INPP5A: variants seen among roughly 807,000 people sequenced by gnomAD.
INPP5A encodes the protein 43 kDa inositol polyphosphate 5-phophatase.
In INPP5A, 14 loss-of-function variants were observed where a neutral mutation model predicts 65.2. That is an observed-to-expected ratio of 0.21 (90% confidence interval 0.14 to 0.34). The LOEUF (loss-of-function observed/expected upper bound fraction) is 0.34. Among genes scored for constraint, INPP5A ranks in the 10% least tolerant of loss-of-function variants. INPP5A has a pLI of 1.00. For missense variants in INPP5A, 431 were observed against 545.6 expected (o/e 0.79, Z 2.09); for synonymous variants, 207 against 208.3 (o/e 0.99, Z 0.05).
rs1846526184 is a variant in INPP5A at position 132,753,086 on chromosome 10, A to G, written c.903+3241A>G. Among the ~76,000 whole-genome samples, 1 of 152,092 alleles carries G rather than the reference A, an allele frequency of 6.6e-6. No homozygotes were observed. The highest frequency in any genetic ancestry group is 2.4e-5 in the African/African-American group (1 of 41,406). On this transcript the variant is annotated intron_variant, in intron 11 of 15. Coordinates refer to ENST00000368594, the MANE Select transcript of INPP5A (RefSeq NM_005539.5). The surrounding 1 kb of genome is among the most constrained non-coding windows in gnomAD (Gnocchi z 5.3). ...GATGCCTCGGCGTTCCTGTCCTGCT[A>G]CTCAGATCCTCTCTGTTTGGGGCCT...
At chr10:132,774,880 G>C (rs1186732502) in intron 12 of INPP5A, among the ~76,000 whole-genome samples, 1 of 45,244 alleles carries the variant, frequency 2.2e-5, no homozygotes, top group East Asian at 5.4e-4. Context: ...GCAGGGAGGA[G>C]AGGCAGGGAG....
At chr10:132,731,366 A>T (rs1846082125) in intron 9 of INPP5A, among the ~76,000 whole-genome samples, 1 of 151,954 alleles carries the variant, frequency 6.6e-6, no homozygotes, top group South Asian at 2.1e-4. Context: ...CCTGGGAGTC[A>T]CTGCGTCCCT....
At chr10:132,561,481 A>ATCCTTGTT (rs1192185101) in intron 1 of INPP5A, among the ~76,000 whole-genome samples, 1 of 151,896 alleles carries the variant, frequency 6.6e-6, no homozygotes, top group Non-Finnish European at 1.5e-5. Context: ...TTGTCTTGGC[A>ATCCTTGTT]TCCTTGTTGG....
intron 9 of INPP5A, among the ~76,000 whole-genome samples, chr10:132,744,701 G>A (rs189293868): frequency 1.3e-3 from 197 of 152,240 alleles, no homozygotes; most frequent in African/African-American, 4.5e-3. Context: ...AACTGTGAAC[G>A]CCCTTTTACT....
intron 12 of INPP5A, among the ~76,000 whole-genome samples, chr10:132,770,536 C>G (rs1018657933): frequency 1.3e-5 from 2 of 152,190 alleles, no homozygotes; most frequent in Non-Finnish European, 2.9e-5. Context: ...AAGAAAGCCA[C>G]ATGCCACCAT....
chr10:132,648,656 G>C (rs1262268852), intron 3 of INPP5A, among the ~76,000 whole-genome samples: 5 of 152,314 alleles, frequency 3.3e-5, no homozygotes, highest in African/African-American at 9.6e-5. Context: ...TAGAATTCTA[G>C]CTTGTCAATT....
intron 8 of INPP5A, among the ~76,000 whole-genome samples, chr10:132,723,866 C>G (rs560512972): frequency 5.2e-4 from 77 of 149,172 alleles, no homozygotes; most frequent in Non-Finnish European, 9.4e-4. Context: ...CATGCACCCT[C>G]CGAGCTTTCT....
At chr10:132,683,385 G>A (rs971871652) in intron 4 of INPP5A, among the ~76,000 whole-genome samples, 6 of 152,058 alleles carry the variant, frequency 3.9e-5, no homozygotes, top group South Asian at 2.1e-4. Flanking sequence ...TTTAATCTGC[G>A]TGTACACATG....
chr10:132,558,023 A>G (rs967749429), intron 1 of INPP5A, among the ~76,000 whole-genome samples: 1 of 152,222 alleles, frequency 6.6e-6, no homozygotes, highest in African/African-American at 2.4e-5. Context: ...GTTGAAAGTG[A>G]GAAGATTCTC....
intron 3 of INPP5A, among the ~76,000 whole-genome samples, chr10:132,648,227 C>T (rs1389113667): frequency 2.6e-5 from 4 of 152,270 alleles, no homozygotes; most frequent in Admixed American, 2.0e-4. Context: ...AGGACGCCGC[C>T]CTCACAGCAG....
chr10:132,759,396 G>A (rs1565004586), intron 11 of INPP5A, among the ~76,000 whole-genome samples: 2 of 152,226 alleles, frequency 1.3e-5, no homozygotes, highest in African/African-American at 2.4e-5. Flanking sequence ...GCCACACTCC[G>A]TGGCTTCTGC....
Position 132,675,527 on chromosome 10 carries a change from C to T in INPP5A, c.307-14865C>T, listed in dbSNP as rs2072951634. On this transcript the variant is annotated intron_variant, in intron 4 of 15. Transcript: ENST00000368594. This position sits in a 1 kb window ranked among gnomAD's most constrained non-coding sequence, Gnocchi z 4.2. Reference sequence around the variant, plus strand: ...GCAGTGTAAAACACGGAGAGAAGTGCGGTTGAGCATGGGGGTGGGTGCGTG... The same window carrying T: ...GCAGTGTAAAACACGGAGAGAAGTGTGGTTGAGCATGGGGGTGGGTGCGTG... Among the ~76,000 whole-genome samples the T allele has an allele frequency of 6.6e-6, 1 of 152,082 alleles. No homozygotes were observed. The highest frequency in any genetic ancestry group is 2.1e-4 in the South Asian group (1 of 4,820).
chr10:132,688,705 G>C (rs529794596), intron 4 of INPP5A, among the ~76,000 whole-genome samples: 1,514 of 148,298 alleles, frequency 0.01, 28 homozygotes, highest in African/African-American at 0.037. Context: ...GTGTGTGCAA[G>C]TGTGAACAAG....
intron 9 of INPP5A, among the ~76,000 whole-genome samples, chr10:132,737,671 C>G (rs752799777): frequency 9.2e-5 from 14 of 152,178 alleles, no homozygotes; most frequent in Non-Finnish European, 1.8e-4. Flanking sequence ...GCGGTGAGGG[C>G]CTGCAGAGGG....
chr10:132,779,253 G>A (rs1847117454), intron 13 of INPP5A, among the ~76,000 whole-genome samples: 3 of 152,372 alleles, frequency 2.0e-5, no homozygotes, highest in African/African-American at 4.8e-5. Flanking sequence ...CCTCTGGCTG[G>A]GCTCACTGGT....
intron 1 of INPP5A, among the ~76,000 whole-genome samples, chr10:132,559,179 C>T (rs943021648): frequency 9.2e-5 from 14 of 152,324 alleles, no homozygotes; most frequent in South Asian, 2.1e-4. Context: ...GGCTGCCCGC[C>T]GCTCGGGGCC....
intron 1 of INPP5A, among the ~76,000 whole-genome samples, chr10:132,586,618 G>A (rs1158957882): frequency 1.3e-5 from 2 of 152,250 alleles, no homozygotes; most frequent in African/African-American, 2.4e-5. Flanking sequence ...ACGGGCTCCT[G>A]TGAAGTCACT....
intron 8 of INPP5A, among the ~76,000 whole-genome samples, chr10:132,717,717 G>A (rs974280862): frequency 2.7e-5 from 4 of 147,024 alleles, no homozygotes; most frequent in African/African-American, 7.8e-5. Flanking sequence ...CCTGGGTTCT[G>A]TCTGGGCGCC....
intron 2 of INPP5A, among the ~76,000 whole-genome samples, chr10:132,623,257 T>G (rs2072131176): frequency 6.6e-6 from 1 of 152,204 alleles, no homozygotes; most frequent in Non-Finnish European, 1.5e-5. Context: ...ACCATAAAGC[T>G]GAAGCAATCA....
Sources: gnomAD v4.1 joint callset for allele counts (sites outside exome capture counted in the v4.1 genomes callset) on GRCh38, gnomAD v4.1.1 for gene constraint, Gnocchi (gnomAD v3.1) non-coding constraint, MANE v1.5 for transcripts, NCBI Gene and HGNC (gene_info 2026-07-23, HGNC 2026-07-21) for gene names.